The following CEP170B variants were observed in gnomAD, a reference collection of about 807,000 sequenced individuals.
CEP170B encodes the protein centrosomal protein 170B, also known as centrosomal protein of 170 kDa protein B.
A neutral mutation model predicts 120.6 loss-of-function variants in CEP170B; 55 were observed. That is an observed-to-expected ratio of 0.46 (90% CI 0.37 to 0.57). The LOEUF is 0.57. CEP170B is among the 20% of genes least tolerant of loss of function. CEP170B has a pLI of 0.00. For missense variants in CEP170B, 2,212 were observed against 2,253.3 expected (o/e 0.98, Z 0.37); for synonymous variants, 1,033 against 954.5 (o/e 1.08, Z -1.52).
In CEP170B at chr14:104,865,831, C is replaced by T. The variant is rs977028714; in HGVS notation, c.-28+318C>T. 2.6e-5 allele frequency among the ~76,000 whole-genome samples: 4 copies of T among 152,118 alleles called. No individual in the cohort carries two copies. The highest frequency in any genetic ancestry group is 9.6e-5 in the African/African-American group (4 of 41,452). Reference sequence around the variant, plus strand: ...GAGCGCTGATTCAGAAGGCGCCGCTCCCTCCCCCGCCGGGCCCGGCCGCCT... The same window carrying T: ...GAGCGCTGATTCAGAAGGCGCCGCTTCCTCCCCCGCCGGGCCCGGCCGCCT... On this transcript the variant is annotated intron_variant, in intron 1 of 18. Coordinates refer to ENST00000414716, the MANE Select transcript of CEP170B (RefSeq NM_001112726.3). This position sits in a 1 kb window ranked among gnomAD's most constrained non-coding sequence, Gnocchi z 6.7.
chr14:104,885,017 C>G (rs1193077338), intron 9 of CEP170B, among the ~76,000 whole-genome samples: 1 of 56,780 alleles, frequency 1.8e-5, no homozygotes, highest in South Asian at 6.4e-4. Flanking sequence ...GAGGCGATGC[C>G]GGGGGTGGCG....
chr14:104,887,551 G>T lies in CEP170B; in HGVS notation c.3312G>T (p.Lys1104Asn). 6.2e-7 allele frequency: 1 copy of T among 1,607,728 alleles called. No homozygotes were observed. The highest frequency in any genetic ancestry group is 1.1e-5 in the South Asian group (1 of 90,392). Residue 1104 changes from lysine to asparagine, a missense_variant, in exon 12 of 19, where the codon AAG (lysine) becomes AAT (asparagine). Physicochemically the swap from Lys to Asn is moderately conservative, Grantham distance 94. Coordinates refer to ENST00000414716, the MANE Select transcript of CEP170B (RefSeq NM_001112726.3). Reference protein sequence around the residue: ...EQSRSSASSQKGPQALTRSNS... With the variant: ...EQSRSSASSQNGPQALTRSNS... The stretch of plus-strand genomic sequence containing the variant: ...GCCGTAGCTCAGCCAGCTCCCAGAA[G>T]GGGCCGCAGGCCTTGACCCGCTCCA...
intron 2 of CEP170B, among the ~76,000 whole-genome samples, chr14:104,869,646 G>A (rs905358580): frequency 2.6e-5 from 4 of 152,212 alleles, no homozygotes; most frequent in Non-Finnish European, 4.4e-5. Flanking sequence ...GCCTTTGGGA[G>A]GTGAGCAGGG....
chr14:104,884,506 C>G lies in CEP170B; in HGVS notation c.1727C>G (p.Ala576Gly). The change falls in exon 9 of 19, where the codon GCG (alanine) becomes GGG (glycine). Residue 576 changes from alanine (A) to glycine (G), a missense_variant. By Grantham distance (60) the Ala-to-Gly change is moderately conservative. Around this residue, in one of 2 missense-constraint regions of CEP170B, gnomAD observed 2,166 missense variants for 2,166.7 expected, o/e 1.00. Transcript: ENST00000414716. ...DAGTYTIETEAQDTEVEEARK... is the reference protein window; with the variant it reads ...DAGTYTIETEGQDTEVEEARK... ...GGGACATACACCATCGAGACCGAGG[C>G]GCAGGACACGGAGGTGGAGGAGGCC... The G allele has an allele frequency of 6.4e-7, 1 of 1,564,618 alleles. No homozygotes were observed. Among genetic ancestry groups the G allele is most frequent in the Non-Finnish European group, 8.7e-7 (1 of 1,154,558 alleles).
In CEP170B at chr14:104,895,279, C is replaced by G. The variant is rs1263535580; in HGVS notation, c.*321C>G. On this transcript the variant is annotated 3_prime_UTR_variant, in exon 19 of 19. Coordinates refer to ENST00000414716, the MANE Select transcript of CEP170B (RefSeq NM_001112726.3). ...TCCTCTTCATCACTGTTATTTTTGTCTTTAGCTTTAAAGGAAAGAGTTGTT... is the reference window on the plus strand; with the variant it reads ...TCCTCTTCATCACTGTTATTTTTGTGTTTAGCTTTAAAGGAAAGAGTTGTT... 3.0e-6 allele frequency: 1 copy of G among 330,684 alleles called. No individual in the cohort carries two copies. The highest frequency in any genetic ancestry group is 5.0e-5 in the East Asian group (1 of 20,034). The allele number at this position is 330,684 out of a possible 1,614,324, so 20.5% of individuals were successfully genotyped here. A position where few individuals can be genotyped will look rare whatever the true frequency, so the allele number is the denominator to read the frequency against.
intron 2 of CEP170B, among the ~76,000 whole-genome samples, chr14:104,874,693 C>T (rs888516951): frequency 1.0e-4 from 15 of 150,656 alleles, no homozygotes; most frequent in East Asian, 3.9e-4. Context: ...GTCCTCCCCT[C>T]AGTCCTCCAC....
rs1397961596 is a variant in CEP170B at position 104,887,180 on chromosome 14, G to A, written c.2941G>A (p.Ala981Thr). 4 of 1,607,312 alleles carry A rather than the reference G, an allele frequency of 2.5e-6. No individual in the cohort carries two copies. Among genetic ancestry groups the A allele is most frequent in the Non-Finnish European group, 3.4e-6 (4 of 1,179,726 alleles). Reference protein sequence around the residue: ...PSPTTPQPLRAQKEMSPSPPA... With the variant: ...PSPTTPQPLRTQKEMSPSPPA... ...CCCCACAACCCCCCAGCCTCTGCGG[G>A]CACAGAAGGAGATGTCGCCATCCCC... Residue 981 changes from alanine to threonine, a missense_variant, in exon 12 of 19, where the codon GCA becomes ACA. Physicochemically the swap from Ala to Thr is moderately conservative, Grantham distance 58. Transcript: ENST00000414716.
chr14:104,881,417 C>G (rs561102665), intron 6 of CEP170B, among the ~76,000 whole-genome samples: 8 of 152,272 alleles, frequency 5.3e-5, no homozygotes, highest in Admixed American at 1.3e-4. Flanking sequence ...AGCTTTGGCC[C>G]CATGTCTGCT....
In CEP170B at chr14:104,885,234, C is replaced by A. The variant is rs1273185174; in HGVS notation, c.1771-135C>A. On this transcript the variant is annotated intron_variant, in intron 9 of 18. Coordinates refer to ENST00000414716, the MANE Select transcript of CEP170B (RefSeq NM_001112726.3). The stretch of plus-strand genomic sequence containing the variant: ...GCATGTCCTGCTGACAGCCAGGCTG[C>A]ATGTCCCGGCCACCAGCCACTCTGG... 4.3e-6 allele frequency: 4 copies of A among 936,372 alleles called. No homozygotes were observed. The South Asian group carries it at 5.4e-5, about 13-fold the overall frequency. 58.0% of individuals were successfully genotyped at this position (936,372 alleles called of 1,614,324 possible). A position where few individuals can be genotyped will look rare whatever the true frequency, so the allele number is the denominator to read the frequency against.
chr14:104,884,262 C>T lies in CEP170B; in HGVS notation c.1483C>T (p.Arg495Cys), dbSNP rs1463812428. 1.4e-5 allele frequency: 21 copies of T among 1,543,136 alleles called. No individual in the cohort carries two copies. The highest frequency in any genetic ancestry group is 1.2e-4 in the Admixed American group (6 of 50,892). Residue 495 changes from arginine (R) to cysteine (C), a missense_variant, in exon 9 of 19, where the codon CGC (arginine) becomes TGC (cysteine). Transcript: ENST00000414716. Reference sequence around the variant, plus strand: ...TGCCCGCCCCTTCGGAAGCGTGGGGCGCCGCTCCCGCCTGGCCCAGGACTT... The same window carrying T: ...TGCCCGCCCCTTCGGAAGCGTGGGGTGCCGCTCCCGCCTGGCCCAGGACTT... ...TPARPFGSVG[R>C]RSRLAQDFMA...
rs1895333939 is a variant in CEP170B at position 104,868,932 on chromosome 14, A to T, written c.105+377A>T. ...GGTCCTGGAAAGCCGGTCTGTCCAT[A>T]TTCTTGTTGTCTGGGGGCCCCGTCT... On this transcript the variant is annotated intron_variant, in intron 2 of 18. Coordinates refer to ENST00000414716, the MANE Select transcript of CEP170B (RefSeq NM_001112726.3). This position sits in a 1 kb window ranked among gnomAD's most constrained non-coding sequence, Gnocchi z 5.9. Among the ~76,000 whole-genome samples the T allele has an allele frequency of 6.6e-6, 1 of 151,940 alleles. No homozygotes were observed. The highest frequency in any genetic ancestry group is 2.4e-5 in the African/African-American group (1 of 41,362).
At chr14:104,871,379 ACCCCCAC>A (rs993983827) in intron 2 of CEP170B, among the ~76,000 whole-genome samples, 3 of 80,418 alleles carry the variant, frequency 3.7e-5, no homozygotes, top group African/African-American at 1.4e-4. Flanking sequence ...GCTCAGTGCC[ACCCCCAC>A]CCCCACCCCA....
chr14:104,874,936 G>C (rs1217857522), intron 2 of CEP170B, among the ~76,000 whole-genome samples: 2 of 152,190 alleles, frequency 1.3e-5, no homozygotes, highest in East Asian at 3.9e-4. Flanking sequence ...AGTCAAGCTG[G>C]GCCATCAGAG....
rs565423799 is a variant in CEP170B at position 104,878,569 on chromosome 14, C to G, written c.333+68C>G. On this transcript the variant is annotated intron_variant, in intron 5 of 18. Coordinates refer to ENST00000414716, the MANE Select transcript of CEP170B (RefSeq NM_001112726.3). ...AGCCCCCCATCCTCCCCACCATGCT[C>G]CCGCTGCCATCTCCCCAGCAAACAC... 1,738 of 1,525,392 alleles carry G rather than the reference C, an allele frequency of 1.1e-3. 2 individuals are homozygous for G. Among genetic ancestry groups the G allele is most frequent in the Non-Finnish European group, 1.4e-3 (1,558 of 1,113,116 alleles). The allele number at this position is 1,525,392 out of a possible 1,614,324, so 94.5% of individuals were successfully genotyped here. A position where few individuals can be genotyped will look rare whatever the true frequency, so the allele number is the denominator to read the frequency against.
At chr14:104,872,835 A>G (rs1195446077) in intron 2 of CEP170B, among the ~76,000 whole-genome samples, 2 of 152,214 alleles carry the variant, frequency 1.3e-5, no homozygotes, top group African/African-American at 4.8e-5. Flanking sequence ...AGGGCGTCAG[A>G]CGTGAACTTT....
At position 104,887,456 on chromosome 14, in the gene CEP170B, G is replaced by T; in HGVS notation, c.3217G>T (p.Ala1073Ser). Residue 1073 changes from alanine (A) to serine (S), a missense_variant, in exon 12 of 19, where the codon GCA becomes TCA. Physicochemically the swap from Ala to Ser is moderately conservative, Grantham distance 99. This residue lies in a region of CEP170B where 2,166 missense variants were observed against 2,166.7 expected (regional missense o/e 1.00). Transcript: ENST00000414716. ...SNHETPEATG[A>S]GRLGSRRKPA... ...CCACGAAACCCCTGAGGCCACCGGG[G>T]CAGGACGGCTAGGTTCTCGCCGGAA... 6.2e-7 allele frequency: 1 copy of T among 1,611,732 alleles called. No individual in the cohort carries two copies. The highest frequency in any genetic ancestry group is 8.5e-7 in the Non-Finnish European group (1 of 1,179,474).
At position 104,884,185 on chromosome 14, in the gene CEP170B, G is replaced by A. The variant is rs773965520; in HGVS notation, c.1406G>A (p.Arg469Gln). 8.1e-5 allele frequency: 126 copies of A among 1,546,344 alleles called. No individual in the cohort carries two copies. The East Asian group carries it at 1.2e-3, about 14-fold the overall frequency. ...CCACAGAGGGCCGGCTCGCTCAAGC[G>A]GGAGAAGACAGAGGAACGGCTGGGC... ...SGPQRAGSLK[R>Q]EKTEERLGSP... Residue 469 changes from arginine to glutamine, a missense_variant, in exon 9 of 19, where the codon CGG becomes CAG. By Grantham distance (43) the Arg-to-Gln change is conservative. Coordinates refer to ENST00000414716, the MANE Select transcript of CEP170B (RefSeq NM_001112726.3).
chr14:104,886,222 T>C, intron 11 of CEP170B, 53 bp from the exon 12 acceptor site: 1 of 1,473,924 alleles, frequency 6.8e-7, no homozygotes, highest in South Asian at 1.3e-5. Context: ...TTCCTGAGCG[T>C]GGAGGGCCTG....
At position 104,870,077 on chromosome 14, in the gene CEP170B, G is replaced by C. The variant is rs984537888; in HGVS notation, c.105+1522G>C. Reference sequence around the variant, plus strand: ...CCTTTGGTAGCGGGAGAGAGTCGGTGGCTGGGGGCAGGAGTCGGCAAATGT... The same window carrying C: ...CCTTTGGTAGCGGGAGAGAGTCGGTCGCTGGGGGCAGGAGTCGGCAAATGT... On this transcript the variant is annotated intron_variant, in intron 2 of 18. Coordinates refer to ENST00000414716, the MANE Select transcript of CEP170B (RefSeq NM_001112726.3). The surrounding 1 kb of genome is among the most constrained non-coding windows in gnomAD (Gnocchi z 4.1). Among the ~76,000 whole-genome samples the C allele has an allele frequency of 6.7e-6, 1 of 150,362 alleles. No homozygotes were observed. The highest frequency in any genetic ancestry group is 2.4e-5 in the African/African-American group (1 of 41,024).
Sources: gnomAD v4.1 joint callset for allele counts (sites outside exome capture counted in the v4.1 genomes callset) on GRCh38, gnomAD v4.1.1 for gene constraint, gnomAD v4.1.1 regional missense constraint, Gnocchi (gnomAD v3.1) non-coding constraint, MANE v1.5 for transcripts, NCBI Gene and HGNC (gene_info 2026-07-23, HGNC 2026-07-21) for gene names.